RAB27A: variants seen among roughly 807,000 people sequenced by gnomAD.
RAB27A encodes the protein ras-related protein Rab-27A.
A neutral mutation model predicts 20.8 loss-of-function variants in RAB27A; 17 were observed. That is an observed-to-expected ratio of 0.82 (90% CI 0.56 to 1.23). The LOEUF is 1.23. Ranked by LOEUF, RAB27A falls within the 50% of genes most tolerant of loss-of-function variation. The probability of loss-of-function intolerance (pLI) is 0.00; values close to 1 mark genes in which losing one functional copy is unlikely to be tolerated. For synonymous variants in RAB27A, 85 were observed against 92.8 expected (o/e 0.92, Z 0.48); for missense variants, 277 against 266.7 (o/e 1.04, Z -0.27).
chr15:55,303,477 GT>G (rs1384847939), intron 2 of RAB27A, among the ~76,000 whole-genome samples: 2 of 53,074 alleles, frequency 3.8e-5, no homozygotes, highest in Non-Finnish European at 3.1e-5. Context: ...CGTCTGGGAG[GT>G]GAGGGGCGCC....
intron 6 of RAB27A, among the ~76,000 whole-genome samples, chr15:55,214,856 T>A (rs1227466527): frequency 2.6e-5 from 4 of 152,194 alleles, no homozygotes; most frequent in Non-Finnish European, 5.9e-5. Context: ...GGATAGCTTG[T>A]GATGCCATTG....
chr15:55,310,081 T>C (rs151235764), intron 2 of RAB27A, among the ~76,000 whole-genome samples: 7,842 of 151,872 alleles, frequency 0.052, 688 homozygotes, highest in African/African-American at 0.18. Flanking sequence ...TAATGGCCCC[T>C]GTTTTTGCTA....
intron 2 of RAB27A, among the ~76,000 whole-genome samples, chr15:55,252,589 G>A (rs1469036232): frequency 2.0e-5 from 3 of 151,600 alleles, no homozygotes; most frequent in Non-Finnish European, 2.9e-5. Context: ...GCGACAGAGT[G>A]AGATTCCATC....
intron 1 of RAB27A, among the ~76,000 whole-genome samples, chr15:55,277,818 C>T (rs1002215333): frequency 1.3e-5 from 2 of 152,218 alleles, no homozygotes; most frequent in African/African-American, 2.4e-5. Context: ...GGGTGACACT[C>T]AGTGGGACCA....
intron 2 of RAB27A, among the ~76,000 whole-genome samples, chr15:55,302,679 G>A (rs2054977868): frequency 8.7e-6 from 1 of 114,550 alleles, no homozygotes; most frequent in Non-Finnish European, 1.7e-5. Flanking sequence ...GAGCGTCTCT[G>A]CCCGGCCGCC....
intron 1 of RAB27A, among the ~76,000 whole-genome samples, chr15:55,314,968 A>C (rs2055036690): frequency 6.6e-6 from 1 of 152,236 alleles, no homozygotes; most frequent in Non-Finnish European, 1.5e-5. Context: ...AACCCCAAGC[A>C]AAAAGAACAA....
At chr15:55,241,624 A>ATATATATATATATATATATG (rs377301086) in intron 2 of RAB27A, among the ~76,000 whole-genome samples, 3 of 117,664 alleles carry the variant, frequency 2.5e-5, no homozygotes, top group African/African-American at 1.3e-4. Flanking sequence ...ATATATATAT[A>ATATATATATATATATATATG]TGTGTGTATA....
At chr15:55,284,650 C>A (rs1396054483) in intron 1 of RAB27A, among the ~76,000 whole-genome samples, 1 of 152,134 alleles carries the variant, frequency 6.6e-6, no homozygotes, top group African/African-American at 2.4e-5. Context: ...ATGAGGTGAT[C>A]TTGAGTGGAT....
intron 6 of RAB27A, among the ~76,000 whole-genome samples, chr15:55,212,748 C>T (rs1895089034): frequency 1.3e-5 from 2 of 152,124 alleles, no homozygotes; most frequent in African/African-American, 4.8e-5. Flanking sequence ...ACAGGATGGT[C>T]TCGATCTCCT....
chr15:55,255,525 G>A (rs1897047405), intron 2 of RAB27A, among the ~76,000 whole-genome samples: 1 of 152,150 alleles, frequency 6.6e-6, no homozygotes, highest in South Asian at 2.1e-4. Flanking sequence ...TCTATCATCT[G>A]CTTTCTCTAA....
At chr15:55,208,911 T>C (rs574050057) in intron 6 of RAB27A, among the ~76,000 whole-genome samples, 34 of 152,300 alleles carry the variant, frequency 2.2e-4, no homozygotes, top group African/African-American at 6.7e-4. Context: ...ACATCTGCTA[T>C]AGGAAGTAGA....
intron 1 of RAB27A, among the ~76,000 whole-genome samples, chr15:55,288,296 T>C (rs532730111): frequency 6.6e-6 from 1 of 152,130 alleles, no homozygotes; most frequent in Admixed American, 6.5e-5. Flanking sequence ...TGACGCAGGT[T>C]GATCACTTGA....
chr15:55,249,515 A>C (rs1896811066), intron 2 of RAB27A, among the ~76,000 whole-genome samples: 1 of 152,176 alleles, frequency 6.6e-6, no homozygotes, highest in Non-Finnish European at 1.5e-5. Context: ...TCCTGGGCTC[A>C]AGTGATCCTC....
At chr15:55,242,017 C>G (rs533725966) in intron 2 of RAB27A, among the ~76,000 whole-genome samples, 4 of 152,054 alleles carry the variant, frequency 2.6e-5, no homozygotes. Context: ...TACACACACA[C>G]AGACATATCA....
chr15:55,296,847 CCCA>C (rs2054951543), intron 2 of RAB27A, among the ~76,000 whole-genome samples: 1 of 151,968 alleles, frequency 6.6e-6, no homozygotes, highest in Non-Finnish European at 1.5e-5. Context: ...CTAGGGGAGG[CCCA>C]CGTTTTGTCA....
At chr15:55,215,677 TCA>T (rs1895256844) in intron 6 of RAB27A, among the ~76,000 whole-genome samples, 2 of 112,718 alleles carry the variant, frequency 1.8e-5, no homozygotes. Flanking sequence ...AGTCATAACC[TCA>T]GGTCGGGCGC....
chr15:55,239,720 T>C (rs1896405593), intron 2 of RAB27A, among the ~76,000 whole-genome samples: 1 of 152,148 alleles, frequency 6.6e-6, no homozygotes, highest in African/African-American at 2.4e-5. Flanking sequence ...GGAGGCTGTC[T>C]AGAGTTTGTT....
intron 6 of RAB27A, among the ~76,000 whole-genome samples, chr15:55,222,447 C>T (rs948366922): frequency 6.6e-5 from 10 of 152,154 alleles, no homozygotes; most frequent in South Asian, 2.1e-4. Context: ...TCTAGTCTTT[C>T]CTCCCTCCCC....
chr15:55,229,735 T>C (rs893253400), intron 4 of RAB27A, among the ~76,000 whole-genome samples: 1 of 151,950 alleles, frequency 6.6e-6, no homozygotes, highest in Non-Finnish European at 1.5e-5. Context: ...TGAAATAATA[T>C]AGTGTCTGGA....
Sources: allele counts gnomAD v4.1 joint callset (sites outside exome capture counted in the v4.1 genomes callset), GRCh38; gene constraint gnomAD v4.1.1; transcripts MANE v1.5; gene names NCBI Gene and HGNC (gene_info 2026-07-23, HGNC 2026-07-21).